Variants in RCOR1 observed in about 807,000 individuals in gnomAD.
RCOR1 encodes the protein REST corepressor.
A neutral mutation model predicts 64.0 loss-of-function variants in RCOR1; 12 were observed. That is an observed-to-expected ratio of 0.19 (90% CI 0.12 to 0.30). The LOEUF (loss-of-function observed/expected upper bound fraction) is 0.30. Ranked by LOEUF, RCOR1 falls within the 10% of genes least tolerant of loss-of-function variation. RCOR1 has a pLI of 1.00. For synonymous variants in RCOR1, 279 were observed against 227.2 expected (o/e 1.23, Z -2.05); for missense variants, 502 against 621.2 (o/e 0.81, Z 2.04).
At chr14:102,634,674 G>A (rs1406051322) in intron 2 of RCOR1, among the ~76,000 whole-genome samples, 3 of 149,204 alleles carry the variant, frequency 2.0e-5, no homozygotes, top group Non-Finnish European at 4.4e-5. Flanking sequence ...ACACACACAC[G>A]TACATACATA....
intron 2 of RCOR1, among the ~76,000 whole-genome samples, chr14:102,604,449 A>G (rs558565954): frequency 1.3e-5 from 2 of 152,288 alleles, no homozygotes; most frequent in Admixed American, 1.3e-4. Flanking sequence ...TGATCTATCC[A>G]GGTTGCTTAC....
At chr14:102,692,183 G>C (rs1446641617) in intron 3 of RCOR1, among the ~76,000 whole-genome samples, 2 of 152,100 alleles carry the variant, frequency 1.3e-5, no homozygotes, top group African/African-American at 4.8e-5. Flanking sequence ...AAAAAGAGGT[G>C]TATATTGATA....
At chr14:102,693,227 G>C (rs565623458) in intron 3 of RCOR1, among the ~76,000 whole-genome samples, 3 of 151,800 alleles carry the variant, frequency 2.0e-5, no homozygotes, top group African/African-American at 7.3e-5. Context: ...TCTTTTTCTC[G>C]GTCACTTACG....
chr14:102,655,180 G>T, intron 2 of RCOR1: 1 of 693,784 alleles, frequency 1.4e-6, no homozygotes, highest in Non-Finnish European at 1.8e-6. Context: ...ACAGGCATAT[G>T]GTACAAAATT....
At chr14:102,661,459 C>A (rs1715803661) in intron 2 of RCOR1, among the ~76,000 whole-genome samples, 1 of 152,208 alleles carries the variant, frequency 6.6e-6, no homozygotes, top group South Asian at 2.1e-4. Flanking sequence ...CATCCTCTTT[C>A]ATGAAACTAC....
Position 102,593,287 on chromosome 14 carries a change from G to C in RCOR1, c.323G>C (p.Gly108Ala). The C allele has an allele frequency of 6.5e-7, 1 of 1,544,456 alleles. No homozygotes were observed. The highest frequency in any genetic ancestry group is 2.0e-5 in the Admixed American group (1 of 51,108). Residue 108 changes from glycine to alanine, a missense_variant, in exon 2 of 12, where the codon GGA (glycine) becomes GCA (alanine). Gly to Ala is a moderately conservative substitution (Grantham distance 60, BLOSUM62 0). Coordinates refer to ENST00000262241, the MANE Select transcript of RCOR1 (RefSeq NM_015156.4). ...GCAGGTGGCGGTGGCATGAGGGTCG[G>C]ACCCCAGTACCAGGCGGTGGTGCCC... Reference protein sequence around the residue: ...EEHGGGGMRVGPQYQAVVPDF... With the variant: ...EEHGGGGMRVAPQYQAVVPDF...
chr14:102,707,219 T>C, intron 4 of RCOR1, 132 bp from the exon 5 acceptor site: 1 of 648,092 alleles, frequency 1.5e-6, no homozygotes, highest in Non-Finnish European at 2.5e-6. Context: ...TCTGACAGTG[T>C]CTGCCACTTA....
chr14:102,661,416 T>A (rs1482764525), intron 2 of RCOR1, among the ~76,000 whole-genome samples: 2 of 152,202 alleles, frequency 1.3e-5, no homozygotes, highest in African/African-American at 4.8e-5. Context: ...TAGTGCTCTG[T>A]TTTTAGTTTC....
At chr14:102,683,744 T>C (rs1895353204) in intron 3 of RCOR1, among the ~76,000 whole-genome samples, 1 of 152,236 alleles carries the variant, frequency 6.6e-6, no homozygotes, top group Non-Finnish European at 1.5e-5. Context: ...GAGATGTCCC[T>C]TGATCTCCGC....
chr14:102,632,711 T>C (rs1358028017), intron 2 of RCOR1, among the ~76,000 whole-genome samples: 250 of 78,304 alleles, frequency 3.2e-3, no homozygotes, highest in Middle Eastern at 6.0e-3. Flanking sequence ...CCTTTCCTTT[T>C]CCTTTCCTTT....
In RCOR1 at chr14:102,729,209, G is replaced by T. The variant is rs1896324500; in HGVS notation, c.*2703G>T. On this transcript the variant is annotated 3_prime_UTR_variant, in exon 12 of 12. Transcript: ENST00000262241. ...AACTTTTAGTTTAGAACTCCTAAAAGATATAAATTGTATTGCATATGCATT... is the reference window on the plus strand; with the variant it reads ...AACTTTTAGTTTAGAACTCCTAAAATATATAAATTGTATTGCATATGCATT... 1 of 152,638 alleles carries T rather than the reference G, an allele frequency of 6.6e-6. No homozygotes were observed. The highest frequency in any genetic ancestry group is 2.4e-5 in the African/African-American group (1 of 41,452). The allele number at this position is 152,638 out of a possible 1,614,324, so 9.5% of individuals were successfully genotyped here.
chr14:102,700,501 G>A (rs1895735526), intron 3 of RCOR1, among the ~76,000 whole-genome samples: 1 of 152,194 alleles, frequency 6.6e-6, no homozygotes, highest in African/African-American at 2.4e-5. Flanking sequence ...GGGATTACAG[G>A]CATGAGCTGC....
intron 3 of RCOR1, among the ~76,000 whole-genome samples, chr14:102,691,464 AAAAAC>A (rs555819096): frequency 1.5e-3 from 225 of 152,364 alleles, no homozygotes; most frequent in African/African-American, 5.2e-3. Context: ...GTTGAGGGAA[AAAAAC>A]AAAACAAAAC....
intron 2 of RCOR1, among the ~76,000 whole-genome samples, chr14:102,679,236 A>G (rs938168061): frequency 6.6e-6 from 1 of 152,170 alleles, no homozygotes; most frequent in African/African-American, 2.4e-5. Context: ...TAGAAATTCT[A>G]TAATTTTTCA....
chr14:102,615,267 G>A (rs1047855369), intron 2 of RCOR1, among the ~76,000 whole-genome samples: 10 of 149,956 alleles, frequency 6.7e-5, no homozygotes, highest in South Asian at 2.1e-4. Flanking sequence ...CAAGTAGCTG[G>A]AACTACAGGT....
At chr14:102,665,737 T>G (rs185703114) in intron 2 of RCOR1, among the ~76,000 whole-genome samples, 1 of 152,304 alleles carries the variant, frequency 6.6e-6, no homozygotes. Flanking sequence ...AGGATCTAAG[T>G]GCAAGTCACT....
At chr14:102,665,869 AATTAT>A (rs1259352934) in intron 2 of RCOR1, among the ~76,000 whole-genome samples, 1 of 152,230 alleles carries the variant, frequency 6.6e-6, no homozygotes, top group African/African-American at 2.4e-5. Context: ...AATAGTTAAT[AATTAT>A]ATTAGATCAT....
chr14:102,684,100 G>C (rs1387861788), intron 3 of RCOR1, among the ~76,000 whole-genome samples: 1 of 152,192 alleles, frequency 6.6e-6, no homozygotes, highest in African/African-American at 2.4e-5. Flanking sequence ...CAGGTTCCTT[G>C]TCTTCCTCCA....
Position 102,707,380 on chromosome 14 carries a change from T to C in RCOR1, c.528T>C (p.His176=). 3.1e-6 allele frequency: 5 copies of C among 1,611,200 alleles called. No individual in the cohort carries two copies. The highest frequency in any genetic ancestry group is 4.2e-6 in the Non-Finnish European group (5 of 1,178,866). Residue 176 remains histidine (H), a synonymous_variant, in exon 5 of 12, where the codon CAT becomes CAC. Transcript: ENST00000262241. ...QALGMLFWHK[H]NIEKSLADLP... ...TTGGGATGCTCTTCTGGCATAAACATAATATCGAAAAGTCATTGGCTGATT... is the reference window on the plus strand; with the variant it reads ...TTGGGATGCTCTTCTGGCATAAACACAATATCGAAAAGTCATTGGCTGATT...
Sources: allele counts gnomAD v4.1 joint callset (sites outside exome capture counted in the v4.1 genomes callset), GRCh38; gene constraint gnomAD v4.1.1; transcripts MANE v1.5; gene names NCBI Gene and HGNC (gene_info 2026-07-23, HGNC 2026-07-21).